USP47: variants seen among roughly 807,000 people sequenced by gnomAD.
USP47 encodes the protein ubiquitin specific peptidase 47, also known as ubiquitin carboxyl-terminal hydrolase 47.
USP47 carries 35 observed loss-of-function variants against 165.1 expected under a neutral mutation model. The ratio of observed to expected loss-of-function variants is 0.21; its 90% CI spans 0.16 to 0.28. The LOEUF (loss-of-function observed/expected upper bound fraction) is 0.28. Among genes scored for constraint, USP47 ranks in the 10% least tolerant of loss-of-function variants. USP47 has a pLI of 1.00. For synonymous variants in USP47, 531 were observed against 544.5 expected (o/e 0.98, Z 0.35); for missense variants, 1,277 against 1,607.4 (o/e 0.79, Z 3.52).
chr11:11,892,698 C>A (rs1220410917), intron 4 of USP47, among the ~76,000 whole-genome samples: 2 of 151,502 alleles, frequency 1.3e-5, no homozygotes, highest in Non-Finnish European at 2.9e-5. Context: ...TGCTTGTAGT[C>A]CCAGCTCCTC....
chr11:11,867,760 G>A lies in USP47; in HGVS notation c.40-12417G>A, dbSNP rs148307237. Among the ~76,000 whole-genome samples, 156 of 152,164 alleles carry A rather than the reference G, an allele frequency of 1.0e-3. 1 individual carries two copies. Among genetic ancestry groups the A allele is most frequent in the Middle Eastern group, 0.01 (3 of 294 alleles). ...TTATACTTATGAAAATAATTTTTGT[G>A]GAAATTAGTTGCACTTTGGAATATA... On this transcript the variant is annotated intron_variant, in intron 1 of 27. Coordinates refer to ENST00000527733, the MANE Select transcript of USP47 (RefSeq NM_001282659.2).
At chr11:11,890,967 A>G (rs990756452) in intron 3 of USP47, among the ~76,000 whole-genome samples, 1 of 152,150 alleles carries the variant, frequency 6.6e-6, no homozygotes, top group African/African-American at 2.4e-5. Context: ...TGATGAGAAC[A>G]CGTGGACACA....
intron 14 of USP47, among the ~76,000 whole-genome samples, chr11:11,932,418 C>T (rs1243013172): frequency 6.6e-6 from 1 of 152,106 alleles, no homozygotes; most frequent in African/African-American, 2.4e-5. Context: ...AGGGAGAAAT[C>T]CAATAGATGA....
In USP47 at chr11:11,880,277, C is replaced by A. The variant is rs947674946; in HGVS notation, c.140C>A (p.Ser47Tyr). 10 of 1,442,578 alleles carry A rather than the reference C, an allele frequency of 6.9e-6. No individual in the cohort carries two copies. The African/African-American group carries it at 1.0e-4, about 15-fold the overall frequency. 89.4% of individuals were successfully genotyped at this position (1,442,578 alleles called of 1,614,324 possible). ...NERITLNLPASTPVRKLFEDV... is the reference protein window; with the variant it reads ...NERITLNLPAYTPVRKLFEDV... The stretch of plus-strand genomic sequence containing the variant: ...CGGATCACTTTAAATTTACCAGCAT[C>A]TACTCCAGTCAGAAAGCTCTTTGAA... The change falls in exon 2 of 28, where the codon TCT becomes TAT. Residue 47 changes from serine to tyrosine, a missense_variant. Ser to Tyr is a moderately radical substitution (Grantham distance 144, BLOSUM62 -2). Around this residue, in one of 4 missense-constraint regions of USP47, gnomAD observed 181 missense variants for 194.7 expected, o/e 0.93. Coordinates refer to ENST00000527733, the MANE Select transcript of USP47 (RefSeq NM_001282659.2).
At chr11:11,911,833 C>T (rs140802148) in intron 8 of USP47, among the ~76,000 whole-genome samples, 120 of 151,960 alleles carry the variant, frequency 7.9e-4, no homozygotes, top group African/African-American at 2.5e-3. Context: ...TAAATATATA[C>T]GAGGATAGAC....
At chr11:11,890,106 A>G (rs961786382) in intron 3 of USP47, among the ~76,000 whole-genome samples, 1 of 152,176 alleles carries the variant, frequency 6.6e-6, no homozygotes, top group Non-Finnish European at 1.5e-5. Flanking sequence ...AACCTTAGAA[A>G]AAAATCTAGG....
Position 11,950,442 on chromosome 11 carries a change from T to A in USP47, c.3543T>A (p.Asn1181Lys). ...ATCATATTTATGAAGAAGATATTAA[T>A]ATTTCCAGCAACTGGGAGGTTTTCC... Reference protein sequence around the residue: ...LDYHIYEEDINISSNWEVFLE... With the variant: ...LDYHIYEEDIKISSNWEVFLE... Residue 1181 changes from asparagine to lysine, a missense_variant, in exon 24 of 28, where the codon AAT (asparagine) becomes AAA (lysine). Physicochemically the swap from Asn to Lys is moderately conservative, Grantham distance 94. This residue lies in a region of USP47 where 909 missense variants were observed against 1,068.1 expected (regional missense o/e 0.85). Coordinates refer to ENST00000527733, the MANE Select transcript of USP47 (RefSeq NM_001282659.2). 1 of 1,606,398 alleles carries A rather than the reference T, an allele frequency of 6.2e-7. No homozygotes were observed. The highest frequency in any genetic ancestry group is 1.1e-5 in the South Asian group (1 of 88,560).
intron 18 of USP47, 130 bp downstream of exon 18, chr11:11,938,502 A>G (rs981884636): frequency 1.5e-6 from 1 of 669,818 alleles, no homozygotes; most frequent in Non-Finnish European, 2.5e-6. Flanking sequence ...GTTAGGAGAC[A>G]ACTGTAGTTA....
At chr11:11,847,499 G>A (rs1027058680) in intron 1 of USP47, among the ~76,000 whole-genome samples, 3 of 152,004 alleles carry the variant, frequency 2.0e-5, no homozygotes, top group Admixed American at 6.6e-5. Context: ...AGGTAATATC[G>A]AACTTATTTC....
chr11:11,939,184 A>G (rs895940446), intron 18 of USP47, among the ~76,000 whole-genome samples: 3 of 151,992 alleles, frequency 2.0e-5, no homozygotes, highest in Admixed American at 6.6e-5. Flanking sequence ...TCATCCTTAC[A>G]AGGGTCCTGT....
At chr11:11,933,312 G>A (rs753037730) in intron 15 of USP47, among the ~76,000 whole-genome samples, 196 bp downstream of exon 15, 3 of 152,026 alleles carry the variant, frequency 2.0e-5, no homozygotes, top group Non-Finnish European at 4.4e-5. Context: ...ATGTAGTGAC[G>A]GTGCTCAGTG....
At chr11:11,847,173 TTGGGA>T (rs916522042) in intron 1 of USP47, among the ~76,000 whole-genome samples, 5 of 152,140 alleles carry the variant, frequency 3.3e-5, no homozygotes, top group African/African-American at 1.2e-4. Context: ...TTCTGGATTA[TTGGGA>T]TATATATTTA....
chr11:11,858,614 T>A (rs1051778096), intron 1 of USP47, among the ~76,000 whole-genome samples: 2 of 152,204 alleles, frequency 1.3e-5, no homozygotes, highest in African/African-American at 2.4e-5. Context: ...CTGATCTGTT[T>A]TCTGTCCTCA....
At chr11:11,865,908 A>G (rs1230669286) in intron 1 of USP47, among the ~76,000 whole-genome samples, 1 of 152,048 alleles carries the variant, frequency 6.6e-6, no homozygotes, top group African/African-American at 2.4e-5. Flanking sequence ...AGAATTCTTT[A>G]TATATTTGGG....
intron 8 of USP47, among the ~76,000 whole-genome samples, chr11:11,907,689 A>G (rs1852660096): frequency 6.6e-6 from 1 of 152,216 alleles, no homozygotes; most frequent in Non-Finnish European, 1.5e-5. Flanking sequence ...GAGGTACCAT[A>G]AAATCACTCA....
At position 11,938,306 on chromosome 11, in the gene USP47, T is replaced by A. The variant is rs1187751309; in HGVS notation, c.2127T>A (p.Ala709=). The A allele has an allele frequency of 1.1e-5, 18 of 1,612,212 alleles. No homozygotes were observed. Among genetic ancestry groups the A allele is most frequent in the Admixed American group, 3.3e-5 (2 of 59,836 alleles). ...HVVDLKAESV[A]APITVRAYLN... ...TTGATCTAAAGGCAGAATCTGTAGC[T>A]GCTCCTATAACTGTTCGTGCTTACT... Residue 709 remains alanine, a synonymous_variant, in exon 18 of 28, where the codon GCT becomes GCA. Transcript: ENST00000527733.
At chr11:11,878,606 GTTTC>G (rs911864821) in intron 1 of USP47, 12 of 151,640 alleles carry the variant, frequency 7.9e-5, no homozygotes, top group African/African-American at 2.2e-4. Flanking sequence ...ATGTTCTTTT[GTTTC>G]TTTTATTTCA....
intron 8 of USP47, among the ~76,000 whole-genome samples, chr11:11,919,084 G>A (rs1301772036): frequency 6.6e-6 from 1 of 150,990 alleles, no homozygotes; most frequent in South Asian, 2.2e-4. Flanking sequence ...GAACAAAATA[G>A]GGGATCAGAT....
chr11:11,905,354 G>T, intron 7 of USP47, 45 bp from the exon 8 acceptor site: 1 of 1,456,394 alleles, frequency 6.9e-7, no homozygotes. Context: ...TGTTTTAAAG[G>T]TTATTTTTAA....
Sources: gnomAD v4.1 joint callset for allele counts (sites outside exome capture counted in the v4.1 genomes callset) on GRCh38, gnomAD v4.1.1 for gene constraint, gnomAD v4.1.1 regional missense constraint, MANE v1.5 for transcripts, NCBI Gene and HGNC (gene_info 2026-07-23, HGNC 2026-07-21) for gene names.